The following SLC35F1 variants were observed in gnomAD, a reference collection of about 807,000 sequenced individuals.
SLC35F1 encodes the protein solute carrier family 35 member F1.
A neutral mutation model predicts 48.7 loss-of-function variants in SLC35F1; 14 were observed. The ratio of observed to expected loss-of-function variants is 0.29; its 90% CI spans 0.19 to 0.45. SLC35F1 has a LOEUF of 0.45. Among genes scored for constraint, SLC35F1 ranks in the 20% least tolerant of loss-of-function variants. SLC35F1 has a pLI of 1.00. For synonymous variants in SLC35F1, 190 were observed against 202.2 expected (o/e 0.94, Z 0.51); for missense variants, 404 against 500.0 (o/e 0.81, Z 1.83).
intron 1 of SLC35F1, among the ~76,000 whole-genome samples, chr6:117,979,343 T>C (rs751097278): frequency 3.3e-5 from 5 of 152,104 alleles, no homozygotes; most frequent in Non-Finnish European, 7.3e-5. Context: ...AAGATTTTCT[T>C]ATGAGTCAGA....
At chr6:118,215,609 G>A (rs985993174) in intron 2 of SLC35F1, among the ~76,000 whole-genome samples, 5 of 152,248 alleles carry the variant, frequency 3.3e-5, no homozygotes, top group Admixed American at 1.3e-4. Flanking sequence ...AGAGAGGTGA[G>A]GCATCTGGAT....
At chr6:117,928,899 T>C (rs574297855) in intron 1 of SLC35F1, among the ~76,000 whole-genome samples, 1 of 152,260 alleles carries the variant, frequency 6.6e-6, no homozygotes, top group South Asian at 2.1e-4. Context: ...AGAATTGATA[T>C]TTATAGTTTC....
intron 7 of SLC35F1, among the ~76,000 whole-genome samples, chr6:118,310,514 C>CTT (rs1042711779): frequency 2.6e-5 from 4 of 151,278 alleles, no homozygotes; most frequent in African/African-American, 9.7e-5. Context: ...ACTTTTTTTA[C>CTT]TTTTTTTTTA....
intron 2 of SLC35F1, among the ~76,000 whole-genome samples, chr6:118,230,165 C>G (rs138209286): frequency 1.3e-4 from 20 of 151,920 alleles, no homozygotes; most frequent in Non-Finnish European, 2.5e-4. Context: ...CATGGTGAAA[C>G]CTCATCTCTA....
At chr6:118,037,017 T>C (rs1772144177) in intron 1 of SLC35F1, among the ~76,000 whole-genome samples, 1 of 152,234 alleles carries the variant, frequency 6.6e-6, no homozygotes, top group African/African-American at 2.4e-5. Context: ...CTCTACTCTG[T>C]TTTCTGATGA....
rs149231846 is a variant in SLC35F1, at chr6:118,203,260, G to A, written c.350-32249G>A. 7.8e-4 allele frequency among the ~76,000 whole-genome samples: 119 copies of A among 152,366 alleles called. 3 individuals are homozygous for A. The highest frequency in any genetic ancestry group is 6.8e-3 in the Admixed American group (104 of 15,310). On this transcript the variant is annotated intron_variant, in intron 2 of 7. Transcript: ENST00000360388. Reference sequence around the variant, plus strand: ...TGAGGTTCATAGGGCTCTGAGGACAGTAGTTATCTTGAGTGAAGCACAGGC... The same window carrying A: ...TGAGGTTCATAGGGCTCTGAGGACAATAGTTATCTTGAGTGAAGCACAGGC...
intron 2 of SLC35F1, among the ~76,000 whole-genome samples, chr6:118,212,770 G>A (rs542726876): frequency 6.7e-6 from 1 of 148,726 alleles, no homozygotes; most frequent in Admixed American, 6.7e-5. Context: ...AAGGAAGGAA[G>A]GAAGGAAGGA....
intron 1 of SLC35F1, among the ~76,000 whole-genome samples, chr6:118,070,129 C>A (rs1393378284): frequency 9.8e-6 from 1 of 102,538 alleles, no homozygotes; most frequent in Non-Finnish European, 1.8e-5. Context: ...GGCGACAGAG[C>A]GAGACTCCGT....
intron 2 of SLC35F1, among the ~76,000 whole-genome samples, chr6:118,159,348 T>G (rs1350917943): frequency 1.3e-5 from 2 of 151,746 alleles, no homozygotes; most frequent in Non-Finnish European, 2.9e-5. Context: ...AGTTTGAGAA[T>G]TTAGGTAAAA....
chr6:118,081,879 G>A (rs1349653356), intron 1 of SLC35F1, among the ~76,000 whole-genome samples: 1 of 152,110 alleles, frequency 6.6e-6, no homozygotes, highest in South Asian at 2.1e-4. Context: ...GGGTGACTTG[G>A]CCCATGATTT....
At chr6:118,241,802 A>G (rs909682275) in intron 3 of SLC35F1, among the ~76,000 whole-genome samples, 4 of 152,336 alleles carry the variant, frequency 2.6e-5, no homozygotes, top group Admixed American at 1.3e-4. Flanking sequence ...AGAGAATGCT[A>G]TATAAAAATT....
intron 1 of SLC35F1, among the ~76,000 whole-genome samples, chr6:118,050,927 A>C (rs1167123703): frequency 6.6e-6 from 1 of 152,140 alleles, no homozygotes; most frequent in East Asian, 1.9e-4. Context: ...TGGAGAAAAC[A>C]TCTTAAGCTG....
At chr6:118,017,947 A>T (rs1777344520) in intron 1 of SLC35F1, among the ~76,000 whole-genome samples, 1 of 152,248 alleles carries the variant, frequency 6.6e-6, no homozygotes, top group Admixed American at 6.5e-5. Flanking sequence ...ATAAGTGATC[A>T]TTATCAGAAT....
At chr6:118,209,610 A>G (rs1774977852) in intron 2 of SLC35F1, among the ~76,000 whole-genome samples, 1 of 152,168 alleles carries the variant, frequency 6.6e-6, no homozygotes, top group Non-Finnish European at 1.5e-5. Flanking sequence ...TTTGAAAACT[A>G]AAGTCTATTA....
chr6:117,919,095 T>C (rs1775864008), intron 1 of SLC35F1, among the ~76,000 whole-genome samples: 1 of 151,968 alleles, frequency 6.6e-6, no homozygotes, highest in Non-Finnish European at 1.5e-5. Flanking sequence ...ATGTTGGTCT[T>C]GCAATGTTCC....
At position 118,251,249 on chromosome 6, in the gene SLC35F1, T is replaced by C. The variant is rs1775570754; in HGVS notation, c.477+15613T>C. Reference sequence around the variant, plus strand: ...CAGCCTGGGTGACGGAGTGAATAAATGAGTCAAGAAAGACCATGGTATGTT... The same window carrying C: ...CAGCCTGGGTGACGGAGTGAATAAACGAGTCAAGAAAGACCATGGTATGTT... On this transcript the variant is annotated intron_variant, in intron 3 of 7. Transcript: ENST00000360388. 2.6e-5 allele frequency among the ~76,000 whole-genome samples: 4 copies of C among 152,206 alleles called. No individual in the cohort carries two copies. In the South Asian group the frequency reaches 8.3e-4, roughly 32 times the overall value.
intron 1 of SLC35F1, among the ~76,000 whole-genome samples, chr6:117,982,788 A>G (rs1776798060): frequency 6.6e-6 from 1 of 152,228 alleles, no homozygotes; most frequent in African/African-American, 2.4e-5. Flanking sequence ...CGGATCTGAC[A>G]CTAAGATCCA....
At chr6:117,959,573 G>GA (rs1477859522) in intron 1 of SLC35F1, among the ~76,000 whole-genome samples, 1 of 152,114 alleles carries the variant, frequency 6.6e-6, no homozygotes, top group African/African-American at 2.4e-5. Context: ...TGAGATGTAG[G>GA]AAAATTAAAT....
At position 118,036,493 on chromosome 6, in the gene SLC35F1, T is replaced by C. The variant is rs570606793; in HGVS notation, c.174-117952T>C. 1.2e-4 allele frequency among the ~76,000 whole-genome samples: 18 copies of C among 152,320 alleles called. No homozygotes were observed. The South Asian group carries it at 3.7e-3, about 32-fold the overall frequency. Reference sequence around the variant, plus strand: ...GGGAATATTCTGCAGTCGTAAGATGTAGTATTCTATAAATGTCAATTAGAT... The same window carrying C: ...GGGAATATTCTGCAGTCGTAAGATGCAGTATTCTATAAATGTCAATTAGAT... On this transcript the variant is annotated intron_variant, in intron 1 of 7. Coordinates refer to ENST00000360388, the MANE Select transcript of SLC35F1 (RefSeq NM_001029858.4).
Sources: gnomAD v4.1 joint callset for allele counts (sites outside exome capture counted in the v4.1 genomes callset) on GRCh38, gnomAD v4.1.1 for gene constraint, MANE v1.5 for transcripts, NCBI Gene and HGNC (gene_info 2026-07-23, HGNC 2026-07-21) for gene names.